KLHL21: variants seen among roughly 807,000 people sequenced by gnomAD.
KLHL21 encodes kelch like family member 21.
A neutral mutation model predicts 44.1 loss-of-function variants in KLHL21; 42 were observed. That is an observed-to-expected ratio of 0.95 (90% CI 0.74 to 1.23). KLHL21 has a LOEUF of 1.23. Ranked by LOEUF, KLHL21 falls within the 50% of genes most tolerant of loss-of-function variation. The pLI is 0.00. For missense variants in KLHL21, 918 were observed against 889.1 expected, an observed-to-expected ratio of 1.03 and a Z score of -0.41; for synonymous variants, 524 against 411.6, an observed-to-expected ratio of 1.27 and a Z score of -3.31.
rs779236839 is a variant in KLHL21, at chr1:6,599,076, C to G, written c.1398G>C (p.Ala466=). The G allele has an allele frequency of 1.2e-5, 19 of 1,602,890 alleles. No individual in the cohort carries two copies. Among genetic ancestry groups the G allele is most frequent in the Middle Eastern group, 3.3e-4 (2 of 6,030 alleles). Residue 466 remains alanine (A), a synonymous_variant, in exon 2 of 4, where the codon GCG becomes GCC. Coordinates refer to ENST00000377658, the MANE Select transcript of KLHL21 (RefSeq NM_014851.4). ...CAAAGTACATGAGTCCGTTTAGAGT[C>G]GCAGTCTTGGGGGCGAAGGACCAGG... ...LPPWSFAPKT[A]TLNGLMYFVR... is the part of the protein sequence containing the mutation.
At chr1:6,597,307 T>C (rs1197013430) in intron 2 of KLHL21, among the ~76,000 whole-genome samples, 4 of 152,182 alleles carry the variant, frequency 2.6e-5, no homozygotes, top group Non-Finnish European at 5.9e-5. Context: ...TCTTCACATC[T>C]TGCTCTAGGA....
intron 3 of KLHL21, chr1:6,593,926 G>A: frequency 1.4e-5 from 17 of 1,255,848 alleles, no homozygotes; most frequent in South Asian, 3.0e-5. Context: ...GCCGAGCAGC[G>A]CTTCCTACGT....
At chr1:6,594,369 T>G (rs1043524859) in intron 3 of KLHL21, 1 of 152,310 alleles carries the variant, frequency 6.6e-6, no homozygotes, top group Non-Finnish European at 1.5e-5. Context: ...TGGACCCTGG[T>G]TGTCCTATTC....
At chr1:6,593,682 G>GTGGA in intron 3 of KLHL21, 24 bp from the exon 4 acceptor site, 2 of 1,549,080 alleles carry the variant, frequency 1.3e-6, no homozygotes, top group Non-Finnish European at 1.7e-6. Flanking sequence ...GGATGAGTGA[G>GTGGA]TGGAGGTCAG....
chr1:6,601,838 C>A lies in KLHL21; in HGVS notation c.980G>T (p.Gly327Val). Reference protein sequence around the residue: ...LAEFPDHLGGGYSIVALGNDI... With the variant: ...LAEFPDHLGGVYSIVALGNDI... ...ATTGCCCAGCGCCACGATGCTGTAG[C>A]CTCCGCCCAGGTGGTCTGGGAACTC... The change falls in exon 1 of 4, where the codon GGC becomes GTC. Residue 327 changes from glycine (G) to valine (V), a missense_variant. By Grantham distance (109) the Gly-to-Val change is moderately radical (BLOSUM62 -3). Transcript: ENST00000377658. 1 of 1,585,768 alleles carries A rather than the reference C, an allele frequency of 6.3e-7. No homozygotes were observed. Among genetic ancestry groups the A allele is most frequent in the Non-Finnish European group, 8.6e-7 (1 of 1,166,918 alleles).
At chr1:6,596,786 A>G (rs1640933903) in intron 2 of KLHL21, among the ~76,000 whole-genome samples, 1 of 152,194 alleles carries the variant, frequency 6.6e-6, no homozygotes, top group Non-Finnish European at 1.5e-5. Flanking sequence ...GCATTCCCAG[A>G]GGGGGCTACT....
intron 3 of KLHL21, chr1:6,595,247 G>A (rs1193301845): frequency 1.6e-6 from 1 of 623,116 alleles, no homozygotes; most frequent in African/African-American, 1.8e-5. Flanking sequence ...CTGGCTCACA[G>A]CAGATACTCA....
intron 1 of KLHL21, among the ~76,000 whole-genome samples, chr1:6,601,160 A>C (rs1212431575): frequency 3.3e-5 from 5 of 152,224 alleles, no homozygotes; most frequent in African/African-American, 1.2e-4. Flanking sequence ...GTAGAAGCCC[A>C]AACTCAGGCG....
At chr1:6,595,424 A>T in intron 3 of KLHL21, 61 bp downstream of exon 3, 1 of 1,491,928 alleles carries the variant, frequency 6.7e-7, no homozygotes, top group East Asian at 2.3e-5. Context: ...TCACGATGAC[A>T]CTTGGGTTGC....
chr1:6,593,397 G>GGGGTCGGCCT lies in KLHL21; in HGVS notation c.1752_1761dup (p.Pro590ThrfsTer9), dbSNP rs374109878. 18 of 1,604,518 alleles carry GGGGTCGGCCT rather than the reference G, an allele frequency of 1.1e-5. No homozygotes were observed. The highest frequency in any genetic ancestry group is 1.1e-4 in the African/African-American group (8 of 74,806). ...AGCTCATCGGGGTCCCGCGGCGGCCGGGGTCGGCCTGGGTCCATGTCATCG... is the reference window on the plus strand; with the variant it reads ...AGCTCATCGGGGTCCCGCGGCGGCCGGGGTCGGCCTGGGTCGGCCTGGGTCCATGTCATCG... On this transcript the variant is annotated frameshift_variant, in exon 4 of 4. Transcript: ENST00000377658. LOFTEE classifies it high-confidence loss of function.
chr1:6,592,805 TGCAGCCTCTGGAGG>T lies in KLHL21; in HGVS notation c.*546_*559del, dbSNP rs1365149078. The T allele has an allele frequency of 1.3e-5, 2 of 153,380 alleles. No homozygotes were observed. Among genetic ancestry groups the T allele is most frequent in the African/African-American group, 2.4e-5 (1 of 41,468 alleles). 9.5% of individuals were successfully genotyped at this position (153,380 alleles called of 1,614,324 possible). A position where few individuals can be genotyped will look rare whatever the true frequency, so the allele number is the denominator to read the frequency against. On this transcript the variant is annotated 3_prime_UTR_variant, in exon 4 of 4. Coordinates refer to ENST00000377658, the MANE Select transcript of KLHL21 (RefSeq NM_014851.4). ...CCTGCTCATGTCCCACTGTTCTGGG[TGCAGCCTCTGGAGG>T]GCAGCCCTCTGAGGTGTTTTGATGT...
At chr1:6,597,184 C>G (rs1640939577) in intron 2 of KLHL21, among the ~76,000 whole-genome samples, 1 of 152,138 alleles carries the variant, frequency 6.6e-6, no homozygotes, top group Non-Finnish European at 1.5e-5. Flanking sequence ...CCCACACGTG[C>G]AAGTGGCTTA....
Position 6,602,418 on chromosome 1 carries a change from C to A in KLHL21, c.400G>T (p.Asp134Tyr). Residue 134 changes from aspartate (D) to tyrosine (Y), a missense_variant, in exon 1 of 4, where the codon GAC (aspartate) becomes TAC (tyrosine). By Grantham distance (160) the Asp-to-Tyr change is radical. Transcript: ENST00000377658. ...TGCATGTCCAGGCAGTTGGCCAGGTCGAGCTGCTGCTGCAGGAAGGCCCCG... is the reference window on the plus strand; with the variant it reads ...TGCATGTCCAGGCAGTTGGCCAGGTAGAGCTGCTGCTGCAGGAAGGCCCCG... Reference protein sequence around the residue: ...ACGAFLQQQLDLANCLDMQDF... With the variant: ...ACGAFLQQQLYLANCLDMQDF... 1 of 1,595,986 alleles carries A rather than the reference C, an allele frequency of 6.3e-7. No homozygotes were observed. Among genetic ancestry groups the A allele is most frequent in the African/African-American group, 1.3e-5 (1 of 74,716 alleles).
intron 3 of KLHL21, 188 bp from the exon 4 acceptor site, chr1:6,593,846 G>A: frequency 8.8e-6 from 12 of 1,367,144 alleles, no homozygotes; most frequent in Non-Finnish European, 1.1e-5. Context: ...CCTCCCCGGA[G>A]GCAGCTGGGC....
rs1641034809 is a variant in KLHL21 at position 6,602,191 on chromosome 1, G to A, written c.627C>T (p.Asp209=). 1 of 1,479,684 alleles carries A rather than the reference G, an allele frequency of 6.8e-7. No individual in the cohort carries two copies. The highest frequency in any genetic ancestry group is 1.3e-5 in the South Asian group (1 of 77,422). 91.7% of individuals were successfully genotyped at this position (1,479,684 alleles called of 1,614,324 possible). ...GCCAGTGCGCGGCGCGGCGCGGCGG[G>A]TCAGCGCGGACCCAGCGCAGCGCCA... is the stretch of plus-strand genomic sequence containing the variant. ...YQLALRWVRA[D]PPRRAAHWPQ... Residue 209 remains aspartate (D), a synonymous_variant, in exon 1 of 4, where the codon GAC becomes GAT. Coordinates refer to ENST00000377658, the MANE Select transcript of KLHL21 (RefSeq NM_014851.4).
chr1:6,602,063 C>T lies in KLHL21; in HGVS notation c.755G>A (p.Arg252His). ...GAAGTCGCGCGCCTCGCGCAGCAGG[C>T]GCAGGCAGGGTGGGCAGCGCGCCAC... ...PLVARCPPCL[R>H]LLREARDFQA... Residue 252 changes from arginine (R) to histidine (H), a missense_variant, in exon 1 of 4, where the codon CGC becomes CAC. Transcript: ENST00000377658. 1.3e-6 allele frequency: 2 copies of T among 1,518,034 alleles called. No individual in the cohort carries two copies. Among genetic ancestry groups the T allele is most frequent in the Admixed American group, 4.2e-5 (2 of 47,338 alleles). 94.0% of individuals were successfully genotyped at this position (1,518,034 alleles called of 1,614,324 possible). A position where few individuals can be genotyped will look rare whatever the true frequency, so the allele number is the denominator to read the frequency against.
Position 6,602,074 on chromosome 1 carries a change from T to C in KLHL21, c.744A>G (p.Pro248=). 1 of 1,494,702 alleles carries C rather than the reference T, an allele frequency of 6.7e-7. No individual in the cohort carries two copies. 92.6% of individuals were successfully genotyped at this position (1,494,702 alleles called of 1,614,324 possible). ...CCTCGCGCAGCAGGCGCAGGCAGGG[T>C]GGGCAGCGCGCCACCAGCGGCTCGG... ...VEAEPLVARC[P]PCLRLLREAR... The change falls in exon 1 of 4, where the codon CCA becomes CCG. Residue 248 remains proline, a synonymous_variant. Transcript: ENST00000377658.
At chr1:6,595,400 A>G in intron 3 of KLHL21, 85 bp downstream of exon 3, 1 of 1,255,710 alleles carries the variant, frequency 8.0e-7, no homozygotes. Context: ...ATGGCTGTGG[A>G]TCCCAAACAC....
intron 1 of KLHL21, among the ~76,000 whole-genome samples, chr1:6,600,009 GTAAGTA>G (rs1006428149): frequency 2.6e-5 from 4 of 152,110 alleles, no homozygotes; most frequent in African/African-American, 7.2e-5. Context: ...ACGAAGCTGT[GTAAGTA>G]TAATATATAT....
Sources: allele counts gnomAD v4.1 joint callset (sites outside exome capture counted in the v4.1 genomes callset), GRCh38; gene constraint gnomAD v4.1.1; transcripts MANE v1.5; gene names NCBI Gene and HGNC (gene_info 2026-07-23, HGNC 2026-07-21).